HECW1: variants seen among roughly 807,000 people sequenced by gnomAD.
HECW1 encodes E3 ubiquitin-protein ligase HECW1.
HECW1 carries 61 observed loss-of-function variants against 182.3 expected under a neutral mutation model. That is an observed-to-expected ratio of 0.33 (90% confidence interval 0.27 to 0.41). HECW1 has a LOEUF of 0.41. Among genes scored for constraint, HECW1 ranks in the 10% least tolerant of loss-of-function variants. HECW1 has a pLI of 1.00. For synonymous variants in HECW1, 859 were observed against 832.6 expected, an observed-to-expected ratio of 1.03 and a Z score of -0.55; for missense variants, 1,739 against 2,108.9, an observed-to-expected ratio of 0.82 and a Z score of 3.44.
intron 2 of HECW1, among the ~76,000 whole-genome samples, chr7:43,158,589 C>T (rs1790149523): frequency 6.6e-6 from 1 of 152,092 alleles, no homozygotes; most frequent in Admixed American, 6.5e-5. Context: ...TTCATGAACA[C>T]CTTTCATGTG....
At chr7:43,410,685 G>A (rs2075772626) in intron 8 of HECW1, among the ~76,000 whole-genome samples, 1 of 152,136 alleles carries the variant, frequency 6.6e-6, no homozygotes, top group African/African-American at 2.4e-5. Context: ...TTTAAATTAT[G>A]AATTTAGTCT....
intron 2 of HECW1, among the ~76,000 whole-genome samples, chr7:43,174,972 A>G (rs1792073470): frequency 6.6e-6 from 1 of 152,216 alleles, no homozygotes; most frequent in South Asian, 2.1e-4. Context: ...TATATGAGGC[A>G]TATTAATAAA....
At chr7:43,266,697 T>C (rs1273742564) in intron 3 of HECW1, among the ~76,000 whole-genome samples, 1 of 152,168 alleles carries the variant, frequency 6.6e-6, no homozygotes. Context: ...AAATAAAATA[T>C]ATATTTTTAT....
intron 24 of HECW1, among the ~76,000 whole-genome samples, chr7:43,534,651 G>A (rs75449119): frequency 0.053 from 8,108 of 152,230 alleles, 545 homozygotes; most frequent in African/African-American, 0.15. Flanking sequence ...ATTTTCTGTG[G>A]GTTTGTATAG....
In HECW1 at chr7:43,241,616, A is replaced by G. The variant is rs1554323950; in HGVS notation, c.-31-2259A>G. The G allele has an allele frequency of 2.8e-3, 342 of 122,148 alleles. 1 individual carries two copies. Among genetic ancestry groups the G allele is most frequent in the South Asian group, 0.012 (36 of 3,106 alleles). 7.6% of individuals were successfully genotyped at this position (122,148 alleles called of 1,614,324 possible). On this transcript the variant is annotated intron_variant, in intron 2 of 29. Transcript: ENST00000395891. Reference sequence around the variant, plus strand: ...CCTCTTCTTTTTACTCTCCTAATGTATGTGTGTGTGTGTGTGTGTGTGTGT... The same window carrying G: ...CCTCTTCTTTTTACTCTCCTAATGTGTGTGTGTGTGTGTGTGTGTGTGTGT...
chr7:43,330,707 G>A (rs1811355939), intron 5 of HECW1, among the ~76,000 whole-genome samples: 1 of 152,212 alleles, frequency 6.6e-6, no homozygotes, highest in African/African-American at 2.4e-5. Flanking sequence ...AGGAGTTGGT[G>A]AGAAAGACTG....
intron 24 of HECW1, among the ~76,000 whole-genome samples, chr7:43,510,507 G>A (rs1310809371): frequency 6.6e-6 from 1 of 152,096 alleles, no homozygotes; most frequent in South Asian, 2.1e-4. Flanking sequence ...AATGAGCAAG[G>A]TCTCATGCCT....
intron 2 of HECW1, among the ~76,000 whole-genome samples, chr7:43,178,293 A>G (rs1792460195): frequency 7.1e-6 from 1 of 140,336 alleles, no homozygotes; most frequent in African/African-American, 2.8e-5. Flanking sequence ...GGCGTGAGCC[A>G]CCGCACCTGG....
chr7:43,475,025 G>A (rs2078169062), intron 16 of HECW1, among the ~76,000 whole-genome samples: 1 of 152,216 alleles, frequency 6.6e-6, no homozygotes, highest in Non-Finnish European at 1.5e-5. Flanking sequence ...GTTTCAATTT[G>A]GGAAGGTGAA....
chr7:43,416,132 G>A (rs963666580), intron 8 of HECW1, among the ~76,000 whole-genome samples: 21 of 151,162 alleles, frequency 1.4e-4, no homozygotes, highest in African/African-American at 4.9e-4. Context: ...CAGTTTTTCT[G>A]TTCTGTTTTT....
chr7:43,243,553 T>C lies in HECW1; in HGVS notation c.-31-322T>C, dbSNP rs1227100813. Reference sequence around the variant, plus strand: ...CAGACGGCTGGGAGAGCAGAACTTCTCTTTCCCCACAAACACCCACACCAG... The same window carrying C: ...CAGACGGCTGGGAGAGCAGAACTTCCCTTTCCCCACAAACACCCACACCAG... On this transcript the variant is annotated intron_variant, in intron 2 of 29. Coordinates refer to ENST00000395891, the MANE Select transcript of HECW1 (RefSeq NM_015052.5). This position sits in a 1 kb window ranked among gnomAD's most constrained non-coding sequence, Gnocchi z 4.0. 6.6e-6 allele frequency among the ~76,000 whole-genome samples: 1 copy of C among 152,008 alleles called. No individual in the cohort carries two copies. Among genetic ancestry groups the C allele is most frequent in the Non-Finnish European group, 1.5e-5 (1 of 68,018 alleles).
At chr7:43,433,374 C>T (rs1280356892) in intron 8 of HECW1, among the ~76,000 whole-genome samples, 1 of 152,202 alleles carries the variant, frequency 6.6e-6, no homozygotes, top group Non-Finnish European at 1.5e-5. Flanking sequence ...AAGCTTTAAA[C>T]ACTACCAGTG....
At chr7:43,251,303 C>T (rs1278098049) in intron 3 of HECW1, among the ~76,000 whole-genome samples, 1 of 152,112 alleles carries the variant, frequency 6.6e-6, no homozygotes, top group Non-Finnish European at 1.5e-5. Flanking sequence ...AATCTAGTTT[C>T]TTTCTTTTTT....
chr7:43,494,288 A>G (rs895341986), intron 19 of HECW1, among the ~76,000 whole-genome samples: 2 of 151,644 alleles, frequency 1.3e-5, no homozygotes, highest in South Asian at 4.2e-4. Flanking sequence ...TCACCTCCTC[A>G]TACTCTCTCC....
intron 2 of HECW1, among the ~76,000 whole-genome samples, chr7:43,178,285 C>T (rs1393899212): frequency 6.7e-5 from 10 of 148,954 alleles, no homozygotes; most frequent in Admixed American, 1.4e-4. Flanking sequence ...GGATTACAGG[C>T]GTGAGCCACC....
intron 2 of HECW1, among the ~76,000 whole-genome samples, chr7:43,170,390 C>T (rs889020596): frequency 4.6e-5 from 7 of 152,116 alleles, no homozygotes; most frequent in African/African-American, 1.4e-4. Flanking sequence ...TTGTTTTCCA[C>T]GAAACAGGTC....
chr7:43,210,554 G>A (rs1021650427), intron 2 of HECW1, among the ~76,000 whole-genome samples: 1 of 151,926 alleles, frequency 6.6e-6, no homozygotes, highest in African/African-American at 2.4e-5. Flanking sequence ...TGCAAGCCTC[G>A]TGTTCGCTAA....
chr7:43,543,799 GA>G (rs963994026), intron 26 of HECW1, among the ~76,000 whole-genome samples: 1 of 139,998 alleles, frequency 7.1e-6, no homozygotes, highest in Admixed American at 7.1e-5. Context: ...AAAAAAAAAA[GA>G]AAAAAAAAGA....
At chr7:43,241,857 G>T (rs1798920772) in intron 2 of HECW1, among the ~76,000 whole-genome samples, 1 of 152,024 alleles carries the variant, frequency 6.6e-6, no homozygotes, top group Admixed American at 6.6e-5. Flanking sequence ...TAACTACAGG[G>T]TACTATTCCC....
Sources: gnomAD v4.1 joint callset for allele counts (sites outside exome capture counted in the v4.1 genomes callset) on GRCh38, gnomAD v4.1.1 for gene constraint, Gnocchi (gnomAD v3.1) non-coding constraint, MANE v1.5 for transcripts, NCBI Gene and HGNC (gene_info 2026-07-23, HGNC 2026-07-21) for gene names.